The following GRAMD1B variants were observed in gnomAD, a reference collection of about 807,000 sequenced individuals.
The protein encoded by GRAMD1B is GRAM domain containing 1B.
In GRAMD1B, 37 loss-of-function variants were observed where a neutral mutation model predicts 99.7. That is an observed-to-expected ratio of 0.37 (90% CI 0.29 to 0.49). The LOEUF is 0.49. Among genes scored for constraint, GRAMD1B ranks in the 20% least tolerant of loss-of-function variants. GRAMD1B has a pLI of 0.98. For missense variants in GRAMD1B, 888 were observed against 1,009.2 expected (o/e 0.88, Z 1.63); for synonymous variants, 427 against 387.6 (o/e 1.10, Z -1.19).
chr11:123,417,188 C>T (rs975753851), intron 1 of GRAMD1B, among the ~76,000 whole-genome samples: 2 of 152,082 alleles, frequency 1.3e-5, no homozygotes, highest in African/African-American at 4.8e-5. Flanking sequence ...TTCTGGCCAA[C>T]ATGGTGAAAC....
intron 2 of GRAMD1B, among the ~76,000 whole-genome samples, chr11:123,501,343 T>A (rs991315797): frequency 3.8e-4 from 58 of 151,780 alleles, no homozygotes; most frequent in Non-Finnish European, 6.8e-4. Flanking sequence ...GCTAATTTTT[T>A]AATTTTTACT....
At chr11:123,547,586 A>T (rs952441150) in intron 2 of GRAMD1B, among the ~76,000 whole-genome samples, 5 of 152,354 alleles carry the variant, frequency 3.3e-5, no homozygotes, top group African/African-American at 1.2e-4. Flanking sequence ...AACAAAAAAA[A>T]GACCTTTCTC....
chr11:123,467,156 T>G (rs1950719987), intron 1 of GRAMD1B, among the ~76,000 whole-genome samples: 1 of 152,158 alleles, frequency 6.6e-6, no homozygotes. Flanking sequence ...TGATCTGTAT[T>G]CACGAGAGCT....
chr11:123,417,152 A>G (rs1460134031), intron 1 of GRAMD1B, among the ~76,000 whole-genome samples: 2 of 152,012 alleles, frequency 1.3e-5, no homozygotes, highest in East Asian at 1.9e-4. Flanking sequence ...AGATGGGCGG[A>G]CCACGAGGTC....
chr11:123,419,698 AGTGTGTGTGTGTGTGTGTGTGT>A (rs3222403), intron 1 of GRAMD1B, among the ~76,000 whole-genome samples: 7 of 133,996 alleles, frequency 5.2e-5, no homozygotes, highest in South Asian at 2.8e-4. Flanking sequence ...GGAATTTCTA[AGTGTGTGTGTGTGTGTGTGTGT>A]GTGTGTGTGT....
intron 1 of GRAMD1B, among the ~76,000 whole-genome samples, chr11:123,414,364 A>C (rs549893142): frequency 7.4e-4 from 112 of 152,252 alleles, no homozygotes; most frequent in African/African-American, 2.4e-3. Context: ...TCATCATTAT[A>C]ATAATAATTA....
intron 2 of GRAMD1B, among the ~76,000 whole-genome samples, chr11:123,490,221 G>A (rs2846313): frequency 0.082 from 12,426 of 152,220 alleles, 570 homozygotes; most frequent in African/African-American, 0.11. Flanking sequence ...AGCTGGACCC[G>A]GCCAGAGGGG....
chr11:123,583,294 G>A (rs1592129132), intron 3 of GRAMD1B, among the ~76,000 whole-genome samples: 1 of 150,634 alleles, frequency 6.6e-6, no homozygotes, highest in East Asian at 2.0e-4. Flanking sequence ...TGTGTGGTGT[G>A]TGTGAATGTG....
chr11:123,531,820 C>G (rs1039834228), intron 2 of GRAMD1B, among the ~76,000 whole-genome samples: 9 of 150,874 alleles, frequency 6.0e-5, no homozygotes, highest in Non-Finnish European at 1.3e-4. Context: ...ACCTCAACCT[C>G]CGCCTCCCGG....
Position 123,570,537 on chromosome 11 carries a change from C to T in GRAMD1B, c.453-6830C>T, listed in dbSNP as rs1947963958. On this transcript the variant is annotated intron_variant, in intron 2 of 19. Transcript: ENST00000635736. ...CTCCTGGGTTCAACTGATTGTCTTGCCTAAGCCTCCTGAGTAGCTGGGATT... is the reference window on the plus strand; with the variant it reads ...CTCCTGGGTTCAACTGATTGTCTTGTCTAAGCCTCCTGAGTAGCTGGGATT... Among the ~76,000 whole-genome samples the T allele has an allele frequency of 2.0e-5, 3 of 150,320 alleles. No individual in the cohort carries two copies. In the South Asian group the frequency reaches 6.3e-4, roughly 31 times the overall value.
At chr11:123,487,598 T>C (rs932276338) in intron 2 of GRAMD1B, among the ~76,000 whole-genome samples, 7 of 152,146 alleles carry the variant, frequency 4.6e-5, no homozygotes, top group Admixed American at 2.6e-4. Context: ...AGTTACGTTT[T>C]TTTGTTTGTT....
intron 2 of GRAMD1B, among the ~76,000 whole-genome samples, chr11:123,558,674 A>G (rs1049890632): frequency 1.3e-5 from 2 of 152,246 alleles, no homozygotes; most frequent in Admixed American, 1.3e-4. Flanking sequence ...AAGGCATTTC[A>G]GAAGAAGTCG....
At chr11:123,483,037 A>G (rs1280334661) in intron 2 of GRAMD1B, among the ~76,000 whole-genome samples, 4 of 95,302 alleles carry the variant, frequency 4.2e-5, no homozygotes, top group South Asian at 5.9e-4. Flanking sequence ...GATTGGGTGG[A>G]AAAAAAAAAA....
chr11:123,619,203 C>T lies in GRAMD1B; in HGVS notation c.2523C>T (p.Ser841=). 2 of 1,561,290 alleles carry T rather than the reference C, an allele frequency of 1.3e-6. No individual in the cohort carries two copies. The highest frequency in any genetic ancestry group is 1.2e-5 in the South Asian group (1 of 84,432). Residue 841 remains serine, a synonymous_variant, in exon 19 of 20, where the codon TCC becomes TCT. Coordinates refer to ENST00000635736, the MANE Select transcript of GRAMD1B (RefSeq NM_001387025.1). ...ELQKWREIIK[S]SVMLLDQMKD... ...AAAAATGGAGGGAAATCATCAAATC[C>T]TCAGTGATGCTCCTTGACCAGGTGA...
At chr11:123,391,185 T>C (rs1947265066) in intron 1 of GRAMD1B, among the ~76,000 whole-genome samples, 1 of 152,176 alleles carries the variant, frequency 6.6e-6, no homozygotes, top group Non-Finnish European at 1.5e-5. Context: ...CCCTACTTCA[T>C]CTCAGCTGAC....
rs183262233 is a variant in GRAMD1B at position 123,614,302 on chromosome 11, T to A, written c.2228-443T>A. ...AGCTTTACCCCTAGCACTTCCATGT[T>A]ACGTGTTTTGCATTTAAGATTTCTG... On this transcript the variant is annotated intron_variant, in intron 16 of 19. Coordinates refer to ENST00000635736, the MANE Select transcript of GRAMD1B (RefSeq NM_001387025.1). Among the ~76,000 whole-genome samples, 1,338 of 152,320 alleles carry A rather than the reference T, an allele frequency of 8.8e-3. 8 individuals are homozygous for A. Among genetic ancestry groups the A allele is most frequent in the South Asian group, 0.029 (141 of 4,826 alleles).
At position 123,586,088 on chromosome 11, in the gene GRAMD1B, CCT is replaced by C. The variant is rs748149727; in HGVS notation, c.684+1757_684+1758del. 1.4e-3 allele frequency among the ~76,000 whole-genome samples: 214 copies of C among 152,320 alleles called. 1 individual carries two copies. The highest frequency in any genetic ancestry group is 4.2e-3 in the African/African-American group (173 of 41,574). ...CCCCTTCTTTCCGCCATCCTTTCCC[CCT>C]GTTTCCTTCTCCCTTAGCCTCCGCC... is the stretch of plus-strand genomic sequence containing the variant. On this transcript the variant is annotated intron_variant, in intron 4 of 19. Coordinates refer to ENST00000635736, the MANE Select transcript of GRAMD1B (RefSeq NM_001387025.1).
intron 8 of GRAMD1B, among the ~76,000 whole-genome samples, chr11:123,602,460 G>A (rs570368923): frequency 2.0e-5 from 3 of 152,114 alleles, no homozygotes; most frequent in Non-Finnish European, 2.9e-5. Context: ...CCATGTTGGT[G>A]TGCTGCACCC....
At chr11:123,583,026 GTGTGAATGTA>G (rs1018534238) in intron 3 of GRAMD1B, among the ~76,000 whole-genome samples, 1 of 152,008 alleles carries the variant, frequency 6.6e-6, no homozygotes, top group African/African-American at 2.4e-5. Flanking sequence ...GTGTGTATGT[GTGTGAATGTA>G]TGTGTGTATA....
Sources: gnomAD v4.1 joint callset for allele counts (sites outside exome capture counted in the v4.1 genomes callset) on GRCh38, gnomAD v4.1.1 for gene constraint, MANE v1.5 for transcripts, NCBI Gene and HGNC (gene_info 2026-07-23, HGNC 2026-07-21) for gene names.